Variants in RALGPS1 observed in about 807,000 individuals in gnomAD.
RALGPS1 encodes ras-specific guanine nucleotide-releasing factor RalGPS1.
RALGPS1 carries 19 observed loss-of-function variants against 78.8 expected under a neutral mutation model. That is an observed-to-expected ratio of 0.24 (90% CI 0.17 to 0.35). RALGPS1 has a LOEUF of 0.35. Among genes scored for constraint, RALGPS1 ranks in the 10% least tolerant of loss-of-function variants. The pLI, the probability that RALGPS1 is intolerant of heterozygous loss-of-function variation, is 1.00. For missense variants in RALGPS1, 454 were observed against 688.3 expected (o/e 0.66, Z 3.81); for synonymous variants, 228 against 256.3 (o/e 0.89, Z 1.06).
chr9:127,199,573 C>T (rs1454907595), intron 14 of RALGPS1, among the ~76,000 whole-genome samples: 2 of 152,038 alleles, frequency 1.3e-5, no homozygotes, highest in African/African-American at 4.8e-5. Flanking sequence ...CCTCTGCCTC[C>T]CTCGAGGATC....
intron 11 of RALGPS1, chr9:127,184,028 A>G (rs1359471490): frequency 1.3e-6 from 2 of 1,549,026 alleles, no homozygotes. Context: ...TAGGAATCTA[A>G]GAAATGATCA....
At chr9:127,210,590 G>T (rs2062191575) in intron 14 of RALGPS1, 1 of 837,430 alleles carries the variant, frequency 1.2e-6, no homozygotes, top group Non-Finnish European at 1.9e-6. Context: ...TTGCTCTGCG[G>T]GACTTCCTGA....
At chr9:126,998,644 T>C (rs1351539831) in intron 4 of RALGPS1, among the ~76,000 whole-genome samples, 1 of 152,138 alleles carries the variant, frequency 6.6e-6, no homozygotes, top group Non-Finnish European at 1.5e-5. Context: ...GAAATACCAT[T>C]TGACCCAGCC....
chr9:127,061,384 A>AT (rs2049201001), intron 7 of RALGPS1, among the ~76,000 whole-genome samples: 1 of 152,198 alleles, frequency 6.6e-6, no homozygotes, highest in South Asian at 2.1e-4. Flanking sequence ...GCAGTTTGTG[A>AT]TTGGTACCCT....
chr9:127,156,166 G>A (rs1022233274), intron 8 of RALGPS1, among the ~76,000 whole-genome samples: 3 of 151,980 alleles, frequency 2.0e-5, no homozygotes, highest in Non-Finnish European at 4.4e-5. Context: ...ATGATGTTCC[G>A]CTACTTGGAT....
chr9:126,949,143 C>T (rs2037562359), intron 1 of RALGPS1, among the ~76,000 whole-genome samples: 1 of 152,178 alleles, frequency 6.6e-6, no homozygotes, highest in Non-Finnish European at 1.5e-5. Context: ...GACATGAACT[C>T]ATCATTTTTT....
intron 4 of RALGPS1, among the ~76,000 whole-genome samples, chr9:126,987,631 G>T (rs1411094493): frequency 2.0e-5 from 3 of 152,142 alleles, no homozygotes; most frequent in Non-Finnish European, 4.4e-5. Context: ...ACTGCAGTGG[G>T]TACCAATTTC....
At chr9:126,978,326 T>C (rs2132688314) in intron 4 of RALGPS1, 1 of 150,794 alleles carries the variant, frequency 6.6e-6, no homozygotes, top group South Asian at 2.1e-4. Context: ...AAAAAGCATA[T>C]GTACATTTTT....
intron 5 of RALGPS1, among the ~76,000 whole-genome samples, chr9:127,047,496 C>T (rs180919003): frequency 1.4e-4 from 21 of 152,054 alleles, no homozygotes; most frequent in Admixed American, 1.4e-3. Context: ...GTCAGGAGTT[C>T]GAGATCAGCC....
chr9:126,962,816 TC>T (rs1273660851), intron 2 of RALGPS1, among the ~76,000 whole-genome samples: 1 of 152,222 alleles, frequency 6.6e-6, no homozygotes, highest in Non-Finnish European at 1.5e-5. Context: ...GAGTTTGATT[TC>T]CATGCTCGGT....
chr9:127,051,735 C>CTGGG (rs1206435067), intron 6 of RALGPS1, among the ~76,000 whole-genome samples: 1 of 152,178 alleles, frequency 6.6e-6, no homozygotes, highest in Non-Finnish European at 1.5e-5. Context: ...CTACAATGTG[C>CTGGG]TGGGCACTGT....
chr9:127,119,873 CAG>C (rs2055861505), intron 8 of RALGPS1, among the ~76,000 whole-genome samples: 2 of 152,216 alleles, frequency 1.3e-5, no homozygotes. Context: ...CCAGAGAAGA[CAG>C]TGAGCCACCA....
chr9:127,034,850 C>T (rs1006671013), intron 5 of RALGPS1, among the ~76,000 whole-genome samples: 1 of 152,174 alleles, frequency 6.6e-6, no homozygotes, highest in Admixed American at 6.5e-5. Context: ...TTCCCTCCTC[C>T]TGGCCTTCCT....
At chr9:127,110,412 C>G (rs1343243532) in intron 8 of RALGPS1, among the ~76,000 whole-genome samples, 2 of 152,180 alleles carry the variant, frequency 1.3e-5, no homozygotes, top group African/African-American at 4.8e-5. Flanking sequence ...TATTCCTGTC[C>G]TTTCTCTACT....
chr9:127,214,492 A>C (rs907146112), intron 17 of RALGPS1, among the ~76,000 whole-genome samples: 2 of 152,198 alleles, frequency 1.3e-5, no homozygotes, highest in African/African-American at 4.8e-5. Context: ...TATTTTATAC[A>C]TTTGGAAACA....
intron 14 of RALGPS1, among the ~76,000 whole-genome samples, chr9:127,202,086 A>G (rs2061666126): frequency 6.6e-6 from 1 of 152,128 alleles, no homozygotes; most frequent in Admixed American, 6.6e-5. Context: ...GAAGATTGCC[A>G]CCAGCCCCCT....
At chr9:127,178,172 C>T (rs896386203) in intron 11 of RALGPS1, 5 of 539,666 alleles carry the variant, frequency 9.3e-6, no homozygotes, top group Non-Finnish European at 1.5e-5. Context: ...GAAGCAGGAG[C>T]GAGCAGAGAA....
intron 8 of RALGPS1, among the ~76,000 whole-genome samples, chr9:127,141,706 A>G (rs1025989923): frequency 6.6e-6 from 1 of 151,610 alleles, no homozygotes; most frequent in Non-Finnish European, 1.5e-5. Flanking sequence ...CAGTGTAAGC[A>G]GGGCATAATC....
intron 6 of RALGPS1, among the ~76,000 whole-genome samples, chr9:127,051,680 A>T (rs2135378653): frequency 6.6e-6 from 1 of 152,318 alleles, no homozygotes; most frequent in East Asian, 1.9e-4. Flanking sequence ...AGTTGTGAGG[A>T]CTAAGTATAA....
Sources: gnomAD v4.1 joint callset for allele counts (sites outside exome capture counted in the v4.1 genomes callset) on GRCh38, gnomAD v4.1.1 for gene constraint, MANE v1.5 for transcripts, NCBI Gene and HGNC (gene_info 2026-07-23, HGNC 2026-07-21) for gene names.